The following PDRG1 variants were observed in gnomAD, a reference collection of about 807,000 sequenced individuals.
PDRG1 encodes p53 and DNA damage-regulated protein 1.
In PDRG1, 14 loss-of-function variants were observed where a neutral mutation model predicts 18.4. The ratio of observed to expected loss-of-function variants is 0.76; its 90% CI spans 0.50 to 1.19. The LOEUF (loss-of-function observed/expected upper bound fraction) is 1.19, where lower values mean the gene tolerates loss of function less well. Ranked by LOEUF, PDRG1 falls within the 50% of genes most tolerant of loss-of-function variation. The probability of loss-of-function intolerance (pLI) is 0.00; values close to 1 mark genes in which losing one functional copy is unlikely to be tolerated. For synonymous variants in PDRG1, 65 were observed against 60.9 expected, an observed-to-expected ratio of 1.07 and a Z score of -0.31; for missense variants, 177 against 160.1, an observed-to-expected ratio of 1.11 and a Z score of -0.57.
At chr20:31,948,459 T>C (rs2064332175) in intron 3 of PDRG1, among the ~76,000 whole-genome samples, 2 of 152,252 alleles carry the variant, frequency 1.3e-5, no homozygotes, top group Admixed American at 6.5e-5. Flanking sequence ...TACACACCTC[T>C]GGACAATTTC....
intron 1 of PDRG1, among the ~76,000 whole-genome samples, chr20:31,950,647 C>T (rs1166220622): frequency 6.6e-6 from 1 of 152,192 alleles, no homozygotes; most frequent in Non-Finnish European, 1.5e-5. Context: ...GCATTATCCA[C>T]TCGAACTTTA....
Position 31,951,985 on chromosome 20 carries a change from G to A in PDRG1, c.-24C>T. The A allele has an allele frequency of 6.6e-7, 1 of 1,526,058 alleles. No individual in the cohort carries two copies. The highest frequency in any genetic ancestry group is 2.2e-5 in the Admixed American group (1 of 45,208). The allele number at this position is 1,526,058 out of a possible 1,614,324, so 94.5% of individuals were successfully genotyped here. A position where few individuals can be genotyped will look rare whatever the true frequency, so the allele number is the denominator to read the frequency against. On this transcript the variant is annotated 5_prime_UTR_variant, in exon 1 of 5. Coordinates refer to ENST00000202017, the MANE Select transcript of PDRG1 (RefSeq NM_030815.3). Reference sequence around the variant, plus strand: ...ATAGCGCCCACCAACTCCGCTTGCGGCTCTCGCGCGACCCCGGGATCTCCG... The same window carrying A: ...ATAGCGCCCACCAACTCCGCTTGCGACTCTCGCGCGACCCCGGGATCTCCG...
chr20:31,946,287 A>C (rs2064317896), intron 4 of PDRG1, among the ~76,000 whole-genome samples: 1 of 152,148 alleles, frequency 6.6e-6, no homozygotes, highest in Admixed American at 6.5e-5. Flanking sequence ...CTGGAAAAGA[A>C]ACTATGACAG....
In PDRG1 at chr20:31,950,326, T is replaced by G; in HGVS notation, c.149A>C (p.Asp50Ala). 2.5e-6 allele frequency: 4 copies of G among 1,610,596 alleles called. No individual in the cohort carries two copies. The highest frequency in any genetic ancestry group is 3.4e-6 in the Non-Finnish European group (4 of 1,176,786). ...TTTCAACTTACCAGAGAGGCTGAGATCCTTCTGCAGGGCCCTCAGGCCCTC... is the reference window on the plus strand; with the variant it reads ...TTTCAACTTACCAGAGAGGCTGAGAGCCTTCTGCAGGGCCCTCAGGCCCTC... ...NREGLRALQK[D>A]LSLSEDVMVC... The change falls in exon 2 of 5, where the codon GAT becomes GCT. Residue 50 changes from aspartate to alanine, a missense_variant. Coordinates refer to ENST00000202017, the MANE Select transcript of PDRG1 (RefSeq NM_030815.3).
At chr20:31,950,249 G>T (rs2064343780) in intron 2 of PDRG1, 63 bp downstream of exon 2, 1 of 1,248,982 alleles carries the variant, frequency 8.0e-7, no homozygotes, top group Non-Finnish European at 1.2e-6. Context: ...CAGGAACAAG[G>T]TAAAGGCCTT....
chr20:31,946,447 G>T, intron 4 of PDRG1, 49 bp downstream of exon 4: 2 of 1,503,048 alleles, frequency 1.3e-6, no homozygotes, highest in Non-Finnish European at 1.9e-6. Context: ...CAAAGTCCAT[G>T]CTGATGATTC....
In PDRG1 at chr20:31,948,860, C is replaced by T. The variant is rs1469696871; in HGVS notation, c.186G>A (p.Gly62=). Residue 62 remains glycine (G), a synonymous_variant, in exon 3 of 5, where the codon GGG becomes GGA. Coordinates refer to ENST00000202017, the MANE Select transcript of PDRG1 (RefSeq NM_030815.3). The part of the protein sequence containing the change: ...SLSEDVMVCF[G]NMFIKMPHPE... The stretch of plus-strand genomic sequence containing the variant: ...GGTGAGGCATCTTGATAAACATGTT[C>T]CCGAAGCAAACCATCACATCTTCTG... 6.2e-7 allele frequency: 1 copy of T among 1,613,780 alleles called. No individual in the cohort carries two copies. Among genetic ancestry groups the T allele is most frequent in the Non-Finnish European group, 8.5e-7 (1 of 1,179,936 alleles).
chr20:31,946,694 G>T, intron 3 of PDRG1, 118 bp from the exon 4 acceptor site: 2 of 855,644 alleles, frequency 2.3e-6, no homozygotes, highest in Non-Finnish European at 1.9e-6. Flanking sequence ...AGGAAAAGGG[G>T]ACATCAGAGG....
At position 31,946,416 on chromosome 20, in the gene PDRG1, G is replaced by A. The variant is rs117265854; in HGVS notation, c.319+80C>T. 6.7e-4 allele frequency: 893 copies of A among 1,341,136 alleles called. 6 individuals are homozygous for A. In the East Asian group the frequency reaches 0.017, roughly 25 times the overall value. The allele number at this position is 1,341,136 out of a possible 1,614,324, so 83.1% of individuals were successfully genotyped here. On this transcript the variant is annotated intron_variant, in intron 4 of 4. Transcript: ENST00000202017. The stretch of plus-strand genomic sequence containing the variant: ...CGGACACTGCCCATCTCTGAGGGTC[G>A]GACTTCCCATCCCTGCCCTTCAAAG...
rs894155235 is a variant in PDRG1 at position 31,945,822 on chromosome 20, G to A, written c.387C>T (p.Val129=). The change falls in exon 5 of 5, where the codon GTC becomes GTT. Residue 129 remains valine, a synonymous_variant. Coordinates refer to ENST00000202017, the MANE Select transcript of PDRG1 (RefSeq NM_030815.3). ...TTCTTGAGTCTCATCCTTTCAAGAT[G>A]ACCTTGAGAGCTTTAAGCTCATCCT... ...LNQDELKALK[V]ILKG 5 of 1,613,860 alleles carry A rather than the reference G, an allele frequency of 3.1e-6. No individual in the cohort carries two copies. Among genetic ancestry groups the A allele is most frequent in the African/African-American group, 1.3e-5 (1 of 75,050 alleles).
chr20:31,950,271 G>T (rs199847038), intron 2 of PDRG1, 41 bp downstream of exon 2: 8 of 1,466,032 alleles, frequency 5.5e-6, no homozygotes, highest in Middle Eastern at 1.7e-4. Flanking sequence ...AAGGAAAACG[G>T]AACAGGCCTC....
chr20:31,945,796 G>A lies in PDRG1; in HGVS notation c.*11C>T. On this transcript the variant is annotated 3_prime_UTR_variant, in exon 5 of 5. Transcript: ENST00000202017. Reference sequence around the variant, plus strand: ...GGGGGGTTGCTGGTCCCCCATCTTGGTTCTTGAGTCTCATCCTTTCAAGAT... The same window carrying A: ...GGGGGGTTGCTGGTCCCCCATCTTGATTCTTGAGTCTCATCCTTTCAAGAT... The A allele has an allele frequency of 6.2e-7, 1 of 1,611,038 alleles. No homozygotes were observed.
At chr20:31,946,382 A>G (rs2064318970) in intron 4 of PDRG1, 114 bp downstream of exon 4, 1 of 988,694 alleles carries the variant, frequency 1.0e-6, no homozygotes, top group African/African-American at 1.6e-5. Context: ...GGCCACTCAC[A>G]GGCTGCCCCG....
chr20:31,952,032 C>T lies in PDRG1; in HGVS notation c.-71G>A. ...TCCGCTTCGACTCCCGCTGCGCACG[C>T]GCCGCTCTCTAGGTGCTTCCGGCGC... On this transcript the variant is annotated 5_prime_UTR_variant, in exon 1 of 5. Transcript: ENST00000202017. The T allele has an allele frequency of 1.3e-6, 2 of 1,482,042 alleles. No individual in the cohort carries two copies. The highest frequency in any genetic ancestry group is 1.8e-6 in the Non-Finnish European group (2 of 1,117,030). The allele number at this position is 1,482,042 out of a possible 1,614,324, so 91.8% of individuals were successfully genotyped here.
rs772012403 is a variant in PDRG1 at position 31,945,848 on chromosome 20, G to C, written c.361C>G (p.Gln121Glu). 1 of 1,613,922 alleles carries C rather than the reference G, an allele frequency of 6.2e-7. No homozygotes were observed. Among genetic ancestry groups the C allele is most frequent in the Non-Finnish European group, 8.5e-7 (1 of 1,179,974 alleles). ...LKGFNLNPLN[Q>E]DELKALKVIL... Reference sequence around the variant, plus strand: ...ACCTTGAGAGCTTTAAGCTCATCCTGGTTGAGGGGGTTCAAGTTAAAACCC... The same window carrying C: ...ACCTTGAGAGCTTTAAGCTCATCCTCGTTGAGGGGGTTCAAGTTAAAACCC... Residue 121 changes from glutamine to glutamate, a missense_variant, in exon 5 of 5, where the codon CAG becomes GAG. Gln to Glu is a conservative substitution (Grantham distance 29). Transcript: ENST00000202017.
chr20:31,951,736 A>T, intron 1 of PDRG1, 139 bp downstream of exon 1: 3 of 839,240 alleles, frequency 3.6e-6, no homozygotes, highest in Non-Finnish European at 5.3e-6. Flanking sequence ...GCGCTCACTT[A>T]GTAGCGGCCG....
In PDRG1 at chr20:31,951,863, G is replaced by A; in HGVS notation, c.87+12C>T. The stretch of plus-strand genomic sequence containing the variant: ...GGCCGCCAGGCCCCAGCGCCGCGGA[G>A]GGGCCTCTCACCTGCCGCTTGTCCG... On this transcript the variant is annotated intron_variant, in intron 1 of 4. Coordinates refer to ENST00000202017, the MANE Select transcript of PDRG1 (RefSeq NM_030815.3). 1 of 1,567,338 alleles carries A rather than the reference G, an allele frequency of 6.4e-7. No homozygotes were observed. The highest frequency in any genetic ancestry group is 1.2e-5 in the South Asian group (1 of 85,116).
Position 31,945,162 on chromosome 20 carries a change from G to A in PDRG1, c.*645C>T, listed in dbSNP as rs902519758. On this transcript the variant is annotated 3_prime_UTR_variant, in exon 5 of 5. Transcript: ENST00000202017. ...GCGCATCCACTCACCCAGGCCTGGTGCAGGACTCTGCAAGGCCCTCCTGAG... is the reference window on the plus strand; with the variant it reads ...GCGCATCCACTCACCCAGGCCTGGTACAGGACTCTGCAAGGCCCTCCTGAG... The A allele has an allele frequency of 2.6e-5, 4 of 152,400 alleles. No individual in the cohort carries two copies. Among genetic ancestry groups the A allele is most frequent in the African/African-American group, 9.6e-5 (4 of 41,452 alleles). The allele number at this position is 152,400 out of a possible 1,614,324, so 9.4% of individuals were successfully genotyped here. A position where few individuals can be genotyped will look rare whatever the true frequency, so the allele number is the denominator to read the frequency against.
In PDRG1 at chr20:31,944,762, A is replaced by G. The variant is rs543959797; in HGVS notation, c.*1045T>C. 1 of 152,316 alleles carries G rather than the reference A, an allele frequency of 6.6e-6. No individual in the cohort carries two copies. Among genetic ancestry groups the G allele is most frequent in the South Asian group, 2.1e-4 (1 of 4,830 alleles). The allele number at this position is 152,316 out of a possible 1,614,324, so 9.4% of individuals were successfully genotyped here. A position where few individuals can be genotyped will look rare whatever the true frequency, so the allele number is the denominator to read the frequency against. ...ACTGGCCATGACAGCCTGTGTTTCT[A>G]TGTAACTATGAGCCAGAGCCAAGGA... On this transcript the variant is annotated 3_prime_UTR_variant, in exon 5 of 5. Coordinates refer to ENST00000202017, the MANE Select transcript of PDRG1 (RefSeq NM_030815.3).
Sources: gnomAD v4.1 joint callset for allele counts (sites outside exome capture counted in the v4.1 genomes callset) on GRCh38, gnomAD v4.1.1 for gene constraint, MANE v1.5 for transcripts, NCBI Gene and HGNC (gene_info 2026-07-23, HGNC 2026-07-21) for gene names.